The following DIDO1 variants were observed in gnomAD, a reference collection of about 807,000 sequenced individuals.
DIDO1 encodes death inducer-obliterator 1.
DIDO1 carries 16 observed loss-of-function variants against 99.4 expected under a neutral mutation model. That is an observed-to-expected ratio of 0.16 (90% CI 0.11 to 0.24). DIDO1 has a LOEUF of 0.24. Ranked by LOEUF, DIDO1 falls within the 10% of genes least tolerant of loss-of-function variation. The pLI is 1.00. For missense variants in DIDO1, 2,996 were observed against 3,014.0 expected (o/e 0.99, Z 0.14); for synonymous variants, 1,366 against 1,239.1 (o/e 1.10, Z -2.15).
At position 62,900,693 on chromosome 20, in the gene DIDO1, G is replaced by A. The variant is rs185517337; in HGVS notation, c.1589-3697C>T. The stretch of plus-strand genomic sequence containing the variant: ...AAAATCACTAAAATAAACACCACAC[G>A]CCCTCACGTAGGTGTTGACAATGAA... On this transcript the variant is annotated intron_variant, in intron 6 of 15. Transcript: ENST00000395343. Among the ~76,000 whole-genome samples the A allele has an allele frequency of 5.6e-3, 849 of 152,260 alleles. 16 individuals are homozygous for A. The highest frequency in any genetic ancestry group is 0.035 in the Admixed American group (531 of 15,300).
At chr20:62,910,423 A>G (rs1255102410) in intron 3 of DIDO1, among the ~76,000 whole-genome samples, 1 of 152,198 alleles carries the variant, frequency 6.6e-6, no homozygotes, top group Non-Finnish European at 1.5e-5. Flanking sequence ...TATGTCTCCC[A>G]AGGGGCAGTC....
At position 62,898,775 on chromosome 20, in the gene DIDO1, C is replaced by T. The variant is rs563896317; in HGVS notation, c.1589-1779G>A. On this transcript the variant is annotated intron_variant, in intron 6 of 15. Transcript: ENST00000395343. ...CTATAAAAAATGGCAACGTCTAACA[C>T]GACAGGAACAAAGGTGACAGCTAGT... Among the ~76,000 whole-genome samples, 216 of 152,302 alleles carry T rather than the reference C, an allele frequency of 1.4e-3. 2 individuals carry two copies. Among genetic ancestry groups the T allele is most frequent in the African/African-American group, 5.0e-3 (209 of 41,546 alleles).
rs2064150530 is a variant in DIDO1 at position 62,879,086 on chromosome 20, G to T, written c.*147C>A. 1 of 667,100 alleles carries T rather than the reference G, an allele frequency of 1.5e-6. No individual in the cohort carries two copies. The highest frequency in any genetic ancestry group is 2.2e-6 in the Non-Finnish European group (1 of 447,906). 41.3% of individuals were successfully genotyped at this position (667,100 alleles called of 1,614,324 possible). On this transcript the variant is annotated 3_prime_UTR_variant, in exon 16 of 16. Transcript: ENST00000395343. The surrounding 1 kb of genome is among the most constrained non-coding windows in gnomAD (Gnocchi z 6.3). ...CAGAATTGTAAAGATGTGAAATCTT[G>T]TAAGAAACCATTTACACAAAATTAC... is the stretch of plus-strand genomic sequence containing the variant.
In DIDO1 at chr20:62,890,965, C is replaced by A; in HGVS notation, c.3536G>T (p.Gly1179Val). The stretch of plus-strand genomic sequence containing the variant: ...CCCAGAAAGCCGGCGCTTACCTGGT[C>A]CCTCAAAGGGCAAGAGTTTGGATGG... ...PVPSKLLPFE[G>V]PGLESPRPNI... The change falls in exon 15 of 16, where the codon GGA becomes GTA. Residue 1179 changes from glycine to valine, a missense_variant. Physicochemically the swap from Gly to Val is moderately radical, Grantham distance 109 (BLOSUM62 -3). Coordinates refer to ENST00000395343, the MANE Select transcript of DIDO1 (RefSeq NM_001193369.2). 6.2e-7 allele frequency: 1 copy of A among 1,613,856 alleles called. No individual in the cohort carries two copies. The highest frequency in any genetic ancestry group is 1.1e-5 in the South Asian group (1 of 91,060).
At chr20:62,936,052 T>C (rs1490984437) in intron 1 of DIDO1, among the ~76,000 whole-genome samples, 1 of 152,204 alleles carries the variant, frequency 6.6e-6, no homozygotes, top group Non-Finnish European at 1.5e-5. Flanking sequence ...ACTGGAATGT[T>C]AAGGAATGTC....
At chr20:62,899,371 C>T (rs990612310) in intron 6 of DIDO1, among the ~76,000 whole-genome samples, 2 of 152,196 alleles carry the variant, frequency 1.3e-5, no homozygotes, top group Non-Finnish European at 2.9e-5. Context: ...ATGTTTAACG[C>T]TCACCTTGTT....
chr20:62,881,560 C>A lies in DIDO1; in HGVS notation c.4396G>T (p.Gly1466Trp). The A allele has an allele frequency of 6.2e-7, 1 of 1,612,054 alleles. No individual in the cohort carries two copies. The highest frequency in any genetic ancestry group is 8.5e-7 in the Non-Finnish European group (1 of 1,180,034). The change falls in exon 16 of 16, where the codon GGG (glycine) becomes TGG (tryptophan). Residue 1466 changes from glycine (G) to tryptophan (W), a missense_variant. Physicochemically the swap from Gly to Trp is radical, Grantham distance 184 (BLOSUM62 -2). This residue lies in a region of DIDO1 where 1,562 missense variants were observed against 1,412.6 expected (regional missense o/e 1.11). Coordinates refer to ENST00000395343, the MANE Select transcript of DIDO1 (RefSeq NM_001193369.2). This position sits in a 1 kb window ranked among gnomAD's most constrained non-coding sequence, Gnocchi z 8.3. ...SVERPAEPVA[G>W]AATPSLVEQQ... ...TCCACCAGGGAGGGCGTCGCAGCCC[C>A]GGCCACCGGCTCGGCAGGCCTCTCC... is the stretch of plus-strand genomic sequence containing the variant.
At chr20:62,927,311 G>GA (rs1320323212), upstream of DIDO1, among the ~76,000 whole-genome samples, 2 of 152,218 alleles carry the variant, frequency 1.3e-5, no homozygotes, top group Admixed American at 6.5e-5. Context: ...GGAAAGATTA[G>GA]ACACTTACTA....
chr20:62,905,681 T>C, intron 6 of DIDO1: 6 of 1,602,596 alleles, frequency 3.7e-6, no homozygotes, highest in Non-Finnish European at 5.1e-6. Flanking sequence ...TGGAAAACAG[T>C]GACAGGAAGT....
chr20:62,917,298 T>G (rs2065055511), intron 1 of DIDO1, among the ~76,000 whole-genome samples: 1 of 152,176 alleles, frequency 6.6e-6, no homozygotes, highest in African/African-American at 2.4e-5. Context: ...TCCAAAGTGC[T>G]GGGATTACAA....
intron 6 of DIDO1, 76 bp downstream of exon 6, chr20:62,905,811 C>A: frequency 6.2e-7 from 1 of 1,613,784 alleles, no homozygotes; most frequent in Non-Finnish European, 8.5e-7. Context: ...AACTCCCAGT[C>A]CTGGACAGGC....
intron 15 of DIDO1, among the ~76,000 whole-genome samples, chr20:62,886,975 G>A (rs976691604): frequency 1.3e-5 from 2 of 152,194 alleles, no homozygotes; most frequent in African/African-American, 2.4e-5. Context: ...CAAAGCCACT[G>A]GGTCCAGCAC....
intron 15 of DIDO1, chr20:62,887,431 T>C (rs2064313245): frequency 5.1e-6 from 5 of 985,480 alleles, no homozygotes; most frequent in Non-Finnish European, 6.0e-6. Context: ...GATTCAAACA[T>C]TCTTCCCAGA....
chr20:62,906,787 A>G (rs2064816339), intron 5 of DIDO1, among the ~76,000 whole-genome samples: 1 of 152,174 alleles, frequency 6.6e-6, no homozygotes, highest in South Asian at 2.1e-4. Context: ...AATGAAGACC[A>G]CAGCCTTGCC....
At chr20:62,897,655 T>G (rs749134972) in intron 6 of DIDO1, among the ~76,000 whole-genome samples, 3 of 151,646 alleles carry the variant, frequency 2.0e-5, no homozygotes, top group Non-Finnish European at 4.4e-5. Flanking sequence ...TTCCATTAAG[T>G]GAAGTATGAA....
chr20:62,911,883 G>C lies in DIDO1; in HGVS notation c.-2-269C>G, dbSNP rs6011468. Among the ~76,000 whole-genome samples, 1 of 152,242 alleles carries C rather than the reference G, an allele frequency of 6.6e-6. No homozygotes were observed. Among genetic ancestry groups the C allele is most frequent in the Non-Finnish European group, 1.5e-5 (1 of 68,038 alleles). ...TACAATTTCATCATTTAACTGCTCA[G>C]GACAAGGCTTCACAAGCCAGACAGT... On this transcript the variant is annotated intron_variant, in intron 2 of 15. Transcript: ENST00000395343. This position sits in a 1 kb window ranked among gnomAD's most constrained non-coding sequence, Gnocchi z 7.0.
intron 1 of DIDO1, among the ~76,000 whole-genome samples, chr20:62,925,270 C>A (rs765625248): frequency 1.5e-4 from 23 of 152,204 alleles, no homozygotes; most frequent in Non-Finnish European, 2.8e-4. Context: ...TGCTGTATCC[C>A]TCGTGCTAAC....
At chr20:62,929,590 G>A (rs2065304458), upstream of DIDO1, among the ~76,000 whole-genome samples, 1 of 151,282 alleles carries the variant, frequency 6.6e-6, no homozygotes, top group African/African-American at 2.4e-5. Context: ...CCGGCGCGCC[G>A]GGGGCTGTAT....
rs554663804 is a variant in DIDO1, at chr20:62,895,867, T to C, written c.2214+366A>G. On this transcript the variant is annotated intron_variant, in intron 8 of 15. Coordinates refer to ENST00000395343, the MANE Select transcript of DIDO1 (RefSeq NM_001193369.2). ...TGAGAAAATAAGGTGGAAAAGGCTG[T>C]CTGAGGCCGGAATACGGACACCCTC... 3.3e-5 allele frequency among the ~76,000 whole-genome samples: 5 copies of C among 152,330 alleles called. No homozygotes were observed. In the East Asian group the frequency reaches 5.8e-4, roughly 18 times the overall value.
Sources: allele counts gnomAD v4.1 joint callset (sites outside exome capture counted in the v4.1 genomes callset), GRCh38; gene constraint gnomAD v4.1.1; regional missense constraint gnomAD v4.1.1; non-coding constraint Gnocchi (gnomAD v3.1); transcripts MANE v1.5; gene names NCBI Gene and HGNC (gene_info 2026-07-23, HGNC 2026-07-21).